MDGA2: variants seen among roughly 807,000 people sequenced by gnomAD.
The protein encoded by MDGA2 is MAM domain-containing glycosylphosphatidylinositol anchor protein 2.
In MDGA2, 40 loss-of-function variants were observed where a neutral mutation model predicts 117.8. The ratio of observed to expected loss-of-function variants is 0.34; its 90% CI spans 0.26 to 0.44. The LOEUF (loss-of-function observed/expected upper bound fraction) is 0.44, where lower values mean the gene tolerates loss of function less well. Ranked by LOEUF, MDGA2 falls within the 20% of genes least tolerant of loss-of-function variation. MDGA2 has a pLI of 1.00. For synonymous variants in MDGA2, 452 were observed against 439.0 expected, an observed-to-expected ratio of 1.03 and a Z score of -0.37; for missense variants, 1,123 against 1,250.6, an observed-to-expected ratio of 0.90 and a Z score of 1.54.
intron 1 of MDGA2, among the ~76,000 whole-genome samples, chr14:47,438,705 G>C (rs1014623310): frequency 3.9e-5 from 6 of 152,064 alleles, no homozygotes; most frequent in Non-Finnish European, 7.4e-5. Context: ...CAGACCAATT[G>C]GTGCTGTTAG....
At chr14:47,341,584 T>C (rs1890623341) in intron 1 of MDGA2, among the ~76,000 whole-genome samples, 3 of 152,218 alleles carry the variant, frequency 2.0e-5, no homozygotes, top group African/African-American at 7.2e-5. Context: ...ATGCAAATAA[T>C]ATTTTCTTTG....
chr14:47,610,873 T>C (rs756474931), intron 1 of MDGA2, among the ~76,000 whole-genome samples: 6 of 151,972 alleles, frequency 3.9e-5, no homozygotes, highest in Non-Finnish European at 7.4e-5. Context: ...AAAATTCATA[T>C]GAAACCAAAA....
rs1362472723 is a variant in MDGA2, at chr14:46,997,190, G to C, written c.1819+37821C>G. 1.2e-4 allele frequency: 20 copies of C among 161,720 alleles called. No homozygotes were observed. In the Middle Eastern group the frequency reaches 0.012, roughly 94 times the overall value. 10.0% of individuals were successfully genotyped at this position (161,720 alleles called of 1,614,324 possible). A position where few individuals can be genotyped will look rare whatever the true frequency, so the allele number is the denominator to read the frequency against. On this transcript the variant is annotated intron_variant, in intron 8 of 16. Transcript: ENST00000399232. ...TAAAATCTATAGACACAAATAACTA[G>C]ATTTAATTGGGTATTGGAGATATTT...
chr14:46,938,797 G>C (rs1205910001), intron 9 of MDGA2, among the ~76,000 whole-genome samples: 1 of 152,028 alleles, frequency 6.6e-6, no homozygotes, highest in Non-Finnish European at 1.5e-5. Context: ...GTACAGTACA[G>C]AGATACTTAC....
intron 14 of MDGA2, among the ~76,000 whole-genome samples, chr14:46,869,436 C>T (rs1346793133): frequency 6.7e-6 from 1 of 148,260 alleles, no homozygotes; most frequent in Non-Finnish European, 1.5e-5. Context: ...CACAGGAATG[C>T]TGAAAGAATC....
At chr14:47,295,088 T>A (rs2139789393) in intron 2 of MDGA2, among the ~76,000 whole-genome samples, 1 of 152,292 alleles carries the variant, frequency 6.6e-6, no homozygotes, top group South Asian at 2.1e-4. Context: ...GTGTTTTGGA[T>A]TTACATAATT....
intron 2 of MDGA2, among the ~76,000 whole-genome samples, chr14:47,241,197 A>G (rs1887027052): frequency 6.6e-6 from 1 of 151,882 alleles, no homozygotes; most frequent in Non-Finnish European, 1.5e-5. Context: ...TTCAACTCTC[A>G]GGAAGCTTAA....
chr14:47,632,291 GA>G (rs1252464738), intron 1 of MDGA2, among the ~76,000 whole-genome samples: 1 of 152,152 alleles, frequency 6.6e-6, no homozygotes, highest in African/African-American at 2.4e-5. Flanking sequence ...CTGCATTCCT[GA>G]AACCTCTCTC....
intron 1 of MDGA2, among the ~76,000 whole-genome samples, chr14:47,495,096 A>T (rs1042209360): frequency 1.5e-4 from 23 of 152,114 alleles, no homozygotes; most frequent in African/African-American, 5.3e-4. Context: ...CCATAAAAAG[A>T]ATAAAATTGT....
At chr14:47,540,807 C>T (rs961286260) in intron 1 of MDGA2, among the ~76,000 whole-genome samples, 15 of 151,706 alleles carry the variant, frequency 9.9e-5, no homozygotes. Context: ...TCAAGTAATC[C>T]TCCCAGCTTG....
At chr14:47,607,235 T>C (rs897986685) in intron 1 of MDGA2, among the ~76,000 whole-genome samples, 1 of 152,174 alleles carries the variant, frequency 6.6e-6, no homozygotes, top group African/African-American at 2.4e-5. Context: ...GTAACTTCTT[T>C]ACTCTCCTAT....
intron 1 of MDGA2, among the ~76,000 whole-genome samples, chr14:47,535,028 A>T (rs1251204235): frequency 6.6e-6 from 1 of 152,224 alleles, no homozygotes; most frequent in Non-Finnish European, 1.5e-5. Flanking sequence ...CTGAATTGTG[A>T]AAAGTTCTAT....
chr14:46,851,947 C>A (rs1202568079), intron 15 of MDGA2, among the ~76,000 whole-genome samples: 1 of 150,908 alleles, frequency 6.6e-6, no homozygotes, highest in Non-Finnish European at 1.5e-5. Flanking sequence ...AAACAAATTT[C>A]TCTAAAATGA....
intron 8 of MDGA2, among the ~76,000 whole-genome samples, chr14:46,980,603 A>G (rs1458786304): frequency 6.6e-6 from 1 of 152,144 alleles, no homozygotes; most frequent in Non-Finnish European, 1.5e-5. Context: ...TCTTTCATGA[A>G]ATGAAATGAT....
At chr14:47,621,391 T>C (rs1897047643) in intron 1 of MDGA2, among the ~76,000 whole-genome samples, 1 of 152,126 alleles carries the variant, frequency 6.6e-6, no homozygotes, top group Non-Finnish European at 1.5e-5. Context: ...GGACTTGCTC[T>C]ATTGCCCAGG....
intron 2 of MDGA2, among the ~76,000 whole-genome samples, chr14:47,270,378 A>G (rs1888106336): frequency 1.3e-5 from 2 of 152,166 alleles, no homozygotes; most frequent in Admixed American, 1.3e-4. Context: ...AAGTGGCATA[A>G]CTGAGAAGAG....
chr14:46,854,787 T>A (rs1354446437), intron 15 of MDGA2, among the ~76,000 whole-genome samples: 2 of 151,918 alleles, frequency 1.3e-5, no homozygotes, highest in Non-Finnish European at 2.9e-5. Context: ...GAAAATCATT[T>A]AAATTTTGAT....
At chr14:47,574,155 A>G (rs1306168020) in intron 1 of MDGA2, among the ~76,000 whole-genome samples, 1 of 152,184 alleles carries the variant, frequency 6.6e-6, no homozygotes, top group African/African-American at 2.4e-5. Context: ...AGACCAAGGA[A>G]GAGAGCAGAT....
chr14:47,216,007 A>T (rs1886073830), intron 3 of MDGA2, among the ~76,000 whole-genome samples: 1 of 152,122 alleles, frequency 6.6e-6, no homozygotes, highest in South Asian at 2.1e-4. Flanking sequence ...TTAGAAGGCT[A>T]GCAGGGTTTG....
Sources: allele counts gnomAD v4.1 joint callset (sites outside exome capture counted in the v4.1 genomes callset), GRCh38; gene constraint gnomAD v4.1.1; transcripts MANE v1.5; gene names NCBI Gene and HGNC (gene_info 2026-07-23, HGNC 2026-07-21).